The following ITK variants were observed in gnomAD, a reference collection of about 807,000 sequenced individuals.
ITK encodes the protein IL2 inducible T cell kinase, also known as tyrosine-protein kinase ITK/TSK.
In ITK, 45 loss-of-function variants were observed where a neutral mutation model predicts 87.6. The ratio of observed to expected loss-of-function variants is 0.51; its 90% CI spans 0.40 to 0.66. The LOEUF is 0.66. Ranked by LOEUF, ITK falls within the 30% of genes least tolerant of loss-of-function variation. The pLI is 0.00. For missense variants in ITK, 605 were observed against 766.3 expected (o/e 0.79, Z 2.48); for synonymous variants, 303 against 273.6 (o/e 1.11, Z -1.06).
chr5:157,233,709 G>A (rs1007362727), intron 8 of ITK, among the ~76,000 whole-genome samples: 78 of 151,856 alleles, frequency 5.1e-4, no homozygotes, highest in African/African-American at 1.7e-3. Context: ...CTAATTGAGT[G>A]GAGTGCAAAA....
In ITK at chr5:157,204,426, G is replaced by A. The variant is rs545877189; in HGVS notation, c.139-4463G>A. ...AATACAAAAAAAATTGGGGACCAGC[G>A]CAGTGACTCACGCCTATAATCCCAG... On this transcript the variant is annotated intron_variant, in intron 1 of 16. Coordinates refer to ENST00000422843, the MANE Select transcript of ITK (RefSeq NM_005546.4). Among the ~76,000 whole-genome samples the A allele has an allele frequency of 9.9e-5, 15 of 152,192 alleles. No homozygotes were observed. The South Asian group carries it at 1.9e-3, about 19-fold the overall frequency.
chr5:157,238,327 C>T (rs969360463), intron 9 of ITK, 136 bp downstream of exon 9: 22 of 728,878 alleles, frequency 3.0e-5, no homozygotes, highest in Admixed American at 6.1e-5. Context: ...CTCTTTACTC[C>T]GAGAAAACCA....
intron 12 of ITK, 127 bp from the exon 13 acceptor site, chr5:157,244,135 T>C (rs528901972): frequency 2.4e-6 from 2 of 842,528 alleles, no homozygotes; most frequent in Non-Finnish European, 4.0e-6. Flanking sequence ...GGGGAGGGAA[T>C]GAATATTATT....
chr5:157,235,264 T>C (rs562855442), intron 8 of ITK, among the ~76,000 whole-genome samples: 3 of 152,252 alleles, frequency 2.0e-5, no homozygotes, highest in Admixed American at 2.0e-4. Context: ...CCTCAAGAGG[T>C]GGCACCCAAG....
At chr5:157,243,480 G>T in intron 11 of ITK, 143 bp from the exon 12 acceptor site, 1 of 751,984 alleles carries the variant, frequency 1.3e-6, no homozygotes, top group East Asian at 2.6e-5. Flanking sequence ...GTTATTATGT[G>T]GGAAAAAGAT....
At chr5:157,241,370 T>C (rs1754892917) in intron 10 of ITK, 1 of 187,328 alleles carries the variant, frequency 5.3e-6, no homozygotes, top group East Asian at 1.3e-4. Context: ...TAAATAAATA[T>C]ACAAATAGAA....
intron 3 of ITK, among the ~76,000 whole-genome samples, chr5:157,212,835 T>A (rs1754217106): frequency 6.6e-6 from 1 of 151,494 alleles, no homozygotes; most frequent in Non-Finnish European, 1.5e-5. Flanking sequence ...AGCAAGACCC[T>A]GTTCTTACCC....
chr5:157,217,495 C>T (rs1045253301), intron 4 of ITK, among the ~76,000 whole-genome samples: 2 of 152,136 alleles, frequency 1.3e-5, no homozygotes, highest in Non-Finnish European at 2.9e-5. Context: ...CACCAATTCC[C>T]ACTCCTGAGC....
intron 15 of ITK, 110 bp from the exon 16 acceptor site, chr5:157,248,740 G>T: frequency 2.5e-6 from 3 of 1,218,730 alleles, no homozygotes; most frequent in Non-Finnish European, 3.6e-6. Flanking sequence ...ACTTCTGGAG[G>T]TAGCACATGA....
chr5:157,227,933 C>T (rs948712137), intron 6 of ITK, among the ~76,000 whole-genome samples: 7 of 147,728 alleles, frequency 4.7e-5, no homozygotes, highest in African/African-American at 1.8e-4. Context: ...TGGGTTCAAG[C>T]GATTCTTGTG....
chr5:157,181,946 ACTT>A (rs1753539156), intron 1 of ITK, among the ~76,000 whole-genome samples: 1 of 152,244 alleles, frequency 6.6e-6, no homozygotes, highest in Middle Eastern at 3.2e-3. Context: ...ACCAAACTCT[ACTT>A]CTCAGTAGGT....
chr5:157,195,683 ATTC>A (rs892946547), intron 1 of ITK: 2 of 152,222 alleles, frequency 1.3e-5, no homozygotes, highest in Non-Finnish European at 2.9e-5. Flanking sequence ...ACTAATAAAC[ATTC>A]TTCTTTTCTT....
At chr5:157,239,120 C>T (rs1474396235) in intron 9 of ITK, among the ~76,000 whole-genome samples, 3 of 152,006 alleles carry the variant, frequency 2.0e-5, no homozygotes, top group East Asian at 1.9e-4. Context: ...ACAGGTATGA[C>T]GGAGAAGGGA....
chr5:157,232,560 C>T (rs889233798), intron 8 of ITK, among the ~76,000 whole-genome samples, 166 bp downstream of exon 8: 14 of 110,712 alleles, frequency 1.3e-4, no homozygotes, highest in African/African-American at 3.8e-4. Flanking sequence ...TCAGCCTGGG[C>T]AAGATCAAGA....
chr5:157,227,827 T>TC (rs1754566620), intron 6 of ITK, among the ~76,000 whole-genome samples: 1 of 134,082 alleles, frequency 7.5e-6, no homozygotes, highest in Non-Finnish European at 1.6e-5. Context: ...AATTCCTTTT[T>TC]TTTTTTTTTT....
chr5:157,253,623 C>A lies in ITK; in HGVS notation c.*945C>A, dbSNP rs748855930. On this transcript the variant is annotated 3_prime_UTR_variant, in exon 17 of 17. Transcript: ENST00000422843. ...TTCCAGCCTCTGGGAATCAGCCCCC[C>A]CTCTCTGCACTATCCGATCCTCATC... is the stretch of plus-strand genomic sequence containing the variant. 1.3e-4 allele frequency: 29 copies of A among 228,046 alleles called. No homozygotes were observed. The highest frequency in any genetic ancestry group is 5.0e-4 in the East Asian group (8 of 16,012). 14.1% of individuals were successfully genotyped at this position (228,046 alleles called of 1,614,324 possible). A position where few individuals can be genotyped will look rare whatever the true frequency, so the allele number is the denominator to read the frequency against.
At chr5:157,244,126 G>C in intron 12 of ITK, 136 bp from the exon 13 acceptor site, 3 of 806,926 alleles carry the variant, frequency 3.7e-6, no homozygotes, top group Non-Finnish European at 6.3e-6. Context: ...TTTTGTTTTG[G>C]GGAGGGAATG....
chr5:157,243,633 G>A lies in ITK; in HGVS notation c.1071G>A (p.Val357=). ...CTCTCTCTCTTCCAGGGAAATGGGTGATCGACCCCTCAGAGCTCACTTTTG... is the reference window on the plus strand; with the variant it reads ...CTCTCTCTCTTCCAGGGAAATGGGTAATCGACCCCTCAGAGCTCACTTTTG... ...VTAGLRYGKW[V]IDPSELTFVQ... is the part of the protein sequence containing the mutation. The change falls in exon 12 of 17, where the codon GTG becomes GTA. Residue 357 remains valine (V), a synonymous_variant. Transcript: ENST00000422843. The A allele has an allele frequency of 1.2e-6, 2 of 1,612,598 alleles. No individual in the cohort carries two copies. Among genetic ancestry groups the A allele is most frequent in the African/African-American group, 1.3e-5 (1 of 74,922 alleles).
Position 157,219,371 on chromosome 5 carries a change from C to A in ITK, c.495+1464C>A, listed in dbSNP as rs1393484067. ...CAGGCGATCAACCCACTTCAACCTC[C>A]CAAAGTGCTGGAATTACAGGCGTGA... On this transcript the variant is annotated intron_variant, in intron 5 of 16. Transcript: ENST00000422843. Among the ~76,000 whole-genome samples the A allele has an allele frequency of 8.5e-5, 13 of 152,146 alleles. No individual in the cohort carries two copies. The East Asian group carries it at 1.7e-3, about 20-fold the overall frequency.
Sources: gnomAD v4.1 joint callset for allele counts (sites outside exome capture counted in the v4.1 genomes callset) on GRCh38, gnomAD v4.1.1 for gene constraint, MANE v1.5 for transcripts, NCBI Gene and HGNC (gene_info 2026-07-23, HGNC 2026-07-21) for gene names.